ATR: variants seen among roughly 807,000 people sequenced by gnomAD.
The protein encoded by ATR is serine/threonine-protein kinase ATR.
A neutral mutation model predicts 305.3 loss-of-function variants in ATR; 142 were observed. That is an observed-to-expected ratio of 0.47 (90% confidence interval 0.41 to 0.53). ATR has a LOEUF of 0.53. Among genes scored for constraint, ATR ranks in the 20% least tolerant of loss-of-function variants. The pLI, the probability that ATR is intolerant of heterozygous loss-of-function variation, is 0.00. For synonymous variants in ATR, 1,050 were observed against 1,068.1 expected (o/e 0.98, Z 0.33); for missense variants, 2,135 against 3,133.1 (o/e 0.68, Z 7.60).
intron 15 of ATR, among the ~76,000 whole-genome samples, chr3:142,548,696 A>C (rs540226259): frequency 6.6e-6 from 1 of 151,978 alleles, no homozygotes; most frequent in African/African-American, 2.4e-5. Context: ...AATTAAGAGT[A>C]CCTTTATCTC....
rs2108340740 is a variant in ATR at position 142,498,624 on chromosome 3, T to A, written c.5531A>T (p.Tyr1844Phe). Residue 1844 changes from tyrosine (Y) to phenylalanine (F), a missense_variant, in exon 32 of 47, where the codon TAC (tyrosine) becomes TTC (phenylalanine). This residue lies in a region of ATR where 117 missense variants were observed against 198.3 expected (regional missense o/e 0.59). Coordinates refer to ENST00000350721, the MANE Select transcript of ATR (RefSeq NM_001184.4). Reference sequence around the variant, plus strand: ...CACAATATATTCATATCCTCGTTGGTAGGAGCCTCTTTCAAAGCTTGCAGC... The same window carrying A: ...CACAATATATTCATATCCTCGTTGGAAGGAGCCTCTTTCAAAGCTTGCAGC... Reference protein sequence around the residue: ...LSAASFERGSYQRGYEYIVRL... With the variant: ...LSAASFERGSFQRGYEYIVRL... 6.2e-7 allele frequency: 1 copy of A among 1,613,932 alleles called. No individual in the cohort carries two copies. The highest frequency in any genetic ancestry group is 1.3e-5 in the African/African-American group (1 of 75,054).
At chr3:142,451,837 C>G (rs932508172) in intron 46 of ATR, 11 of 1,304,174 alleles carry the variant, frequency 8.4e-6, no homozygotes, top group Middle Eastern at 5.4e-4. Flanking sequence ...TGCTAGAGCT[C>G]TTTCAGCTGT....
In ATR at chr3:142,522,721, C is replaced by T; in HGVS notation, c.4266+7G>A. The T allele has an allele frequency of 1.9e-6, 3 of 1,599,486 alleles. No individual in the cohort carries two copies. Among genetic ancestry groups the T allele is most frequent in the Non-Finnish European group, 2.6e-6 (3 of 1,166,786 alleles). On this transcript the variant is annotated splice_region_variant and intron_variant, in intron 23 of 46. Coordinates refer to ENST00000350721, the MANE Select transcript of ATR (RefSeq NM_001184.4). ...TTAAAGCCAGTAATGACTATATCCA[C>T]TCTTACCTGAATGGCATAGGCAGCT...
rs1183074456 is a variant in ATR at position 142,560,425 on chromosome 3, C to T, written c.1379G>A (p.Ser460Asn). The change falls in exon 6 of 47, where the codon AGC (serine) becomes AAC (asparagine). Residue 460 changes from serine (S) to asparagine (N), a missense_variant. Coordinates refer to ENST00000350721, the MANE Select transcript of ATR (RefSeq NM_001184.4). ...EIKHVDMNQK[S>N]ILWSALKQKA... ...CTGTTTCAGTGCACTCCATAATATG[C>T]TCTTTTGGTTCATGTCCACATGTTT... 2 of 1,613,016 alleles carry T rather than the reference C, an allele frequency of 1.2e-6. No homozygotes were observed. Among genetic ancestry groups the T allele is most frequent in the Non-Finnish European group, 1.7e-6 (2 of 1,179,274 alleles).
intron 36 of ATR, among the ~76,000 whole-genome samples, chr3:142,471,377 G>A (rs567933769): frequency 1.1e-4 from 17 of 152,194 alleles, no homozygotes; most frequent in African/African-American, 4.1e-4. Flanking sequence ...CTGCTTTCAT[G>A]TTTTAGCTAT....
intron 36 of ATR, among the ~76,000 whole-genome samples, chr3:142,476,394 A>G (rs2071450143): frequency 6.6e-6 from 1 of 152,114 alleles, no homozygotes; most frequent in African/African-American, 2.4e-5. Flanking sequence ...GTCGAAGATC[A>G]GATAGTTGTA....
intron 45 of ATR, among the ~76,000 whole-genome samples, chr3:142,455,391 C>CTATCA (rs2070882388): frequency 6.6e-6 from 1 of 152,084 alleles, no homozygotes; most frequent in African/African-American, 2.4e-5. Context: ...AATGTCCTTC[C>CTATCA]TATCAAAATC....
At chr3:142,454,375 A>G (rs934072416) in intron 45 of ATR, among the ~76,000 whole-genome samples, 3 of 151,632 alleles carry the variant, frequency 2.0e-5, no homozygotes, top group Admixed American at 2.0e-4. Flanking sequence ...TTCCTATTTC[A>G]GAGAATTTGC....
chr3:142,469,294 G>A (rs746998126), intron 38 of ATR, 43 bp downstream of exon 38: 9 of 1,509,678 alleles, frequency 6.0e-6, no homozygotes. Flanking sequence ...CATATAAAAT[G>A]GTAAAAGATC....
intron 2 of ATR, among the ~76,000 whole-genome samples, chr3:142,567,531 C>G (rs903007303): frequency 2.0e-5 from 3 of 152,176 alleles, no homozygotes; most frequent in Non-Finnish European, 2.9e-5. Flanking sequence ...TATATTATCC[C>G]TCCCATGTAA....
chr3:142,515,516 CT>C lies in ATR; in HGVS notation c.4383-2del. ...GGTTGACTTCTGAGAACTCTTGTAT[CT>C]GTAATTTTGAAAATTTGTTTATTAA... On this transcript the variant is annotated splice_acceptor_variant, in intron 24 of 46. Transcript: ENST00000350721. LOFTEE classifies it high-confidence loss of function. 1 of 1,609,550 alleles carries C rather than the reference CT, an allele frequency of 6.2e-7. No individual in the cohort carries two copies. The highest frequency in any genetic ancestry group is 8.5e-7 in the Non-Finnish European group (1 of 1,176,184).
rs200445478 is a variant in ATR, at chr3:142,485,235, A to G, written c.6126T>C (p.Leu2042=). The part of the protein sequence containing the change: ...LPEWEDGHFY[L]AKYYDKLMPM... ...GCATCAATTTGTCATAGTACTTGGC[A>G]AGGTAAAAATGCCCATCCTCCCATT... Residue 2042 remains leucine (L), a synonymous_variant, in exon 36 of 47, where the codon CTT becomes CTC. Transcript: ENST00000350721. 3.5e-5 allele frequency: 57 copies of G among 1,614,186 alleles called. No individual in the cohort carries two copies. In the East Asian group the frequency reaches 1.2e-3, roughly 33 times the overall value.
chr3:142,541,476 A>T (rs1204688613), intron 17 of ATR, among the ~76,000 whole-genome samples: 1 of 152,186 alleles, frequency 6.6e-6, no homozygotes, highest in African/African-American at 2.4e-5. Flanking sequence ...GTAGTTAAGG[A>T]AATTTTTGTC....
intron 21 of ATR, among the ~76,000 whole-genome samples, chr3:142,527,040 T>C (rs2033425041): frequency 6.6e-6 from 1 of 152,174 alleles, no homozygotes; most frequent in Non-Finnish European, 1.5e-5. Flanking sequence ...CCATCTGCCT[T>C]GGCCTCCCAA....
intron 1 of ATR, 108 bp downstream of exon 1, chr3:142,578,538 G>A: frequency 7.9e-7 from 1 of 1,273,818 alleles, no homozygotes; most frequent in South Asian, 1.5e-5. Context: ...GCCGCAGCGG[G>A]GGCTTAGGGG....
rs2108455038 is a variant in ATR, at chr3:142,549,628, G to A, written c.3022C>T (p.Pro1008Ser). Reference protein sequence around the residue: ...LLPDLAAKASPAASALIRTLG... With the variant: ...LLPDLAAKASSAASALIRTLG... Reference sequence around the variant, plus strand: ...GTTCGAATGAGAGCAGAAGCTGCAGGGCTTGCTTTGGCAGCAAGATCAGGT... The same window carrying A: ...GTTCGAATGAGAGCAGAAGCTGCAGAGCTTGCTTTGGCAGCAAGATCAGGT... Residue 1008 changes from proline (P) to serine (S), a missense_variant, in exon 15 of 47, where the codon CCT (proline) becomes TCT (serine). By Grantham distance (74) the Pro-to-Ser change is moderately conservative. This residue lies in a region of ATR where 530 missense variants were observed against 766.8 expected (regional missense o/e 0.69). Transcript: ENST00000350721. 1 of 1,613,546 alleles carries A rather than the reference G, an allele frequency of 6.2e-7. No individual in the cohort carries two copies. The highest frequency in any genetic ancestry group is 8.5e-7 in the Non-Finnish European group (1 of 1,179,760).
In ATR at chr3:142,568,123, G is replaced by C. The variant is rs1157152892; in HGVS notation, c.91C>G (p.Gln31Glu). 2 of 1,612,476 alleles carry C rather than the reference G, an allele frequency of 1.2e-6. No homozygotes were observed. The highest frequency in any genetic ancestry group is 1.7e-5 in the Admixed American group (1 of 59,980). The change falls in exon 2 of 47, where the codon CAG becomes GAG. Residue 31 changes from glutamine to glutamate, a missense_variant. Physicochemically the swap from Gln to Glu is conservative, Grantham distance 29. Coordinates refer to ENST00000350721, the MANE Select transcript of ATR (RefSeq NM_001184.4). ...ATPEEYNTVVQKPRQILCQFI... is the reference protein window; with the variant it reads ...ATPEEYNTVVEKPRQILCQFI... Reference sequence around the variant, plus strand: ...TGACACAGAATTTGTCTTGGCTTCTGTACAACTGTATTATATTCCTCTGGT... The same window carrying C: ...TGACACAGAATTTGTCTTGGCTTCTCTACAACTGTATTATATTCCTCTGGT...
rs1340025926 is a variant in ATR at position 142,566,126 on chromosome 3, C to CAACT, written c.283_286dup (p.Cys96Ter). On this transcript the variant is annotated stop_gained and frameshift_variant, in exon 3 of 47. Transcript: ENST00000350721. LOFTEE classifies it high-confidence loss of function. ...GCATGAATAACAGCACTTACCAATACAACTGCCTTTGGCCTCATGGCTTCC... is the reference window on the plus strand; with the variant it reads ...GCATGAATAACAGCACTTACCAATACAACTAACTGCCTTTGGCCTCATGGCTTCC... 2 of 1,614,148 alleles carry CAACT rather than the reference C, an allele frequency of 1.2e-6. No homozygotes were observed. Among genetic ancestry groups the CAACT allele is most frequent in the South Asian group, 2.2e-5 (2 of 91,086 alleles).
In ATR at chr3:142,505,346, C is replaced by A. The variant is rs576428159; in HGVS notation, c.5032-43G>T. The A allele has an allele frequency of 2.5e-5, 40 of 1,603,590 alleles. No homozygotes were observed. In the Admixed American group the frequency reaches 6.7e-4, roughly 27 times the overall value. On this transcript the variant is annotated intron_variant, in intron 28 of 46. Coordinates refer to ENST00000350721, the MANE Select transcript of ATR (RefSeq NM_001184.4). ...AAAACAATCAAAAACAAGAAAAAAACACAACTGGAAATAAAACTATAAAAC... is the reference window on the plus strand; with the variant it reads ...AAAACAATCAAAAACAAGAAAAAAAAACAACTGGAAATAAAACTATAAAAC...
Sources: gnomAD v4.1 joint callset for allele counts (sites outside exome capture counted in the v4.1 genomes callset) on GRCh38, gnomAD v4.1.1 for gene constraint, gnomAD v4.1.1 regional missense constraint, MANE v1.5 for transcripts, NCBI Gene and HGNC (gene_info 2026-07-23, HGNC 2026-07-21) for gene names.